MYO5A: variants seen among roughly 807,000 people sequenced by gnomAD.
MYO5A encodes myosin VA, also known as unconventional myosin-Va.
A neutral mutation model predicts 249.7 loss-of-function variants in MYO5A; 98 were observed. That is an observed-to-expected ratio of 0.39 (90% confidence interval 0.33 to 0.46). The LOEUF (loss-of-function observed/expected upper bound fraction) is 0.46. MYO5A is among the 20% of genes least tolerant of loss of function. MYO5A has a pLI of 0.98. For missense variants in MYO5A, 1,696 were observed against 2,308.8 expected (o/e 0.73, Z 5.44); for synonymous variants, 778 against 810.6 (o/e 0.96, Z 0.68).
rs1377023366 is a variant in MYO5A, at chr15:52,379,608, A to G, written c.2208+17T>C. On this transcript the variant is annotated intron_variant, in intron 18 of 41. Transcript: ENST00000399233. Reference sequence around the variant, plus strand: ...AAGGCCTTCTGCTCAGATGACGGTAAGCGAAATCATTCTCACCAGTATCAG... The same window carrying G: ...AAGGCCTTCTGCTCAGATGACGGTAGGCGAAATCATTCTCACCAGTATCAG... The G allele has an allele frequency of 6.2e-7, 1 of 1,608,380 alleles. No homozygotes were observed. The highest frequency in any genetic ancestry group is 1.1e-5 in the South Asian group (1 of 90,984).
intron 1 of MYO5A, among the ~76,000 whole-genome samples, chr15:52,519,293 A>T (rs182160156): frequency 1.3e-5 from 2 of 152,308 alleles, no homozygotes; most frequent in East Asian, 3.9e-4. Context: ...AAGAAAGGTG[A>T]CATAGGGTTC....
chr15:52,416,361 AG>A (rs1399929513), intron 4 of MYO5A, 60 bp from the exon 5 acceptor site: 7 of 1,553,138 alleles, frequency 4.5e-6, no homozygotes, highest in Admixed American at 1.7e-5. Flanking sequence ...AGGATTGATA[AG>A]GGAAACTATG....
chr15:52,317,165 C>T lies in MYO5A; in HGVS notation c.5292G>A (p.Gly1764=). 1 of 1,613,972 alleles carries T rather than the reference C, an allele frequency of 6.2e-7. No individual in the cohort carries two copies. The highest frequency in any genetic ancestry group is 1.3e-5 in the African/African-American group (1 of 74,986). ...TGAGAGGTTCCAGGGTTTCTTTAGC[C>T]CCACTATTCATCAGATTCTTGTCAC... is the stretch of plus-strand genomic sequence containing the variant. ...WLRDKNLMNS[G]AKETLEPLIQ... Residue 1764 remains glycine, a synonymous_variant, in exon 40 of 42, where the codon GGG becomes GGA. Transcript: ENST00000399233.
chr15:52,358,786 G>T (rs568724106), intron 25 of MYO5A, among the ~76,000 whole-genome samples: 5 of 147,438 alleles, frequency 3.4e-5, no homozygotes, highest in East Asian at 3.9e-4. Context: ...ATAAATTACT[G>T]TTTTTTAAAA....
intron 34 of MYO5A, chr15:52,331,597 C>T (rs754286709): frequency 3.2e-5 from 27 of 840,570 alleles, no homozygotes; most frequent in South Asian, 1.1e-4. Flanking sequence ...GCTGACTCCA[C>T]GAGGTGTCAG....
At position 52,312,578 on chromosome 15, in the gene MYO5A, CA is replaced by C. The variant is rs1430475883; in HGVS notation, c.*1117del. The C allele has an allele frequency of 6.6e-6, 1 of 152,144 alleles. No homozygotes were observed. The highest frequency in any genetic ancestry group is 1.5e-5 in the Non-Finnish European group (1 of 68,030). The allele number at this position is 152,144 out of a possible 1,614,324, so 9.4% of individuals were successfully genotyped here. On this transcript the variant is annotated 3_prime_UTR_variant, in exon 42 of 42. Coordinates refer to ENST00000399233, the MANE Select transcript of MYO5A (RefSeq NM_001382347.1). ...TCGCCATGTTGGCCAGGCTGGTCTC[CA>C]ACTCCTAACCTGAAGTGATCCGCCC... is the stretch of plus-strand genomic sequence containing the variant.
At chr15:52,525,388 C>T (rs953834530) in intron 1 of MYO5A, among the ~76,000 whole-genome samples, 2 of 152,280 alleles carry the variant, frequency 1.3e-5, no homozygotes, top group Admixed American at 1.3e-4. Context: ...AGCTATTGTC[C>T]TTAAAATGTT....
chr15:52,336,412 C>T (rs948515922), intron 34 of MYO5A, 51 bp downstream of exon 34: 3 of 1,249,898 alleles, frequency 2.4e-6, no homozygotes, highest in Admixed American at 1.9e-5. Flanking sequence ...GTCTTTAAGC[C>T]AAGACTCAAA....
chr15:52,468,004 G>A lies in MYO5A; in HGVS notation c.28-34719C>T, dbSNP rs577273662. On this transcript the variant is annotated intron_variant, in intron 1 of 41. Coordinates refer to ENST00000399233, the MANE Select transcript of MYO5A (RefSeq NM_001382347.1). ...AAGATAAACAACCTAGTAGCAAATA[G>A]GCAAAAGAAAAAAACAGGTAGCGAA... is the stretch of plus-strand genomic sequence containing the variant. Among the ~76,000 whole-genome samples the A allele has an allele frequency of 4.2e-4, 64 of 152,204 alleles. 1 individual carries two copies. The highest frequency in any genetic ancestry group is 1.4e-3 in the African/African-American group (59 of 41,552).
At chr15:52,477,064 C>T (rs1377829700) in intron 1 of MYO5A, among the ~76,000 whole-genome samples, 1 of 152,148 alleles carries the variant, frequency 6.6e-6, no homozygotes, top group Non-Finnish European at 1.5e-5. Flanking sequence ...TCACATAGTC[C>T]CATATTTCTT....
Position 52,423,474 on chromosome 15 carries a change from C to A in MYO5A, c.455+2356G>T, listed in dbSNP as rs374696416. On this transcript the variant is annotated intron_variant, in intron 4 of 41. Coordinates refer to ENST00000399233, the MANE Select transcript of MYO5A (RefSeq NM_001382347.1). The stretch of plus-strand genomic sequence containing the variant: ...GGCTGAGGCAGGAGAATGGCGTGAA[C>A]CCGGGAGGCGGAGGTTGCAGTGAGC... 3.0e-4 allele frequency among the ~76,000 whole-genome samples: 45 copies of A among 151,890 alleles called. No homozygotes were observed. In the East Asian group the frequency reaches 8.1e-3, roughly 28 times the overall value.
chr15:52,467,651 T>G (rs1212797809), intron 1 of MYO5A, among the ~76,000 whole-genome samples: 1 of 152,080 alleles, frequency 6.6e-6, no homozygotes. Flanking sequence ...GATTTAGACA[T>G]CCAGCTACAG....
chr15:52,514,174 A>G (rs537544409), intron 1 of MYO5A, among the ~76,000 whole-genome samples: 6 of 152,374 alleles, frequency 3.9e-5, no homozygotes, highest in African/African-American at 1.4e-4. Context: ...CATATGTTCA[A>G]TCACTAACTT....
rs2037789012 is a variant in MYO5A, at chr15:52,311,944, T to TTTTTAC, written c.*1751_*1752insGTAAAA. ...ATTGCACATATTTTAATAAGATTTATAGACCATCTAACAGTTAAATTTATA... is the reference window on the plus strand; with the variant it reads ...ATTGCACATATTTTAATAAGATTTATTTTTACAGACCATCTAACAGTTAAATTTATA... On this transcript the variant is annotated 3_prime_UTR_variant, in exon 42 of 42. Transcript: ENST00000399233. 1 of 152,696 alleles carries TTTTTAC rather than the reference T, an allele frequency of 6.5e-6. No individual in the cohort carries two copies. The highest frequency in any genetic ancestry group is 2.1e-4 in the South Asian group (1 of 4,838). The allele number at this position is 152,696 out of a possible 1,614,324, so 9.5% of individuals were successfully genotyped here. A position where few individuals can be genotyped will look rare whatever the true frequency, so the allele number is the denominator to read the frequency against.
At chr15:52,514,059 T>C (rs527612287) in intron 1 of MYO5A, among the ~76,000 whole-genome samples, 2 of 152,286 alleles carry the variant, frequency 1.3e-5, no homozygotes, top group South Asian at 4.1e-4. Context: ...GAGTTACTGA[T>C]AAATAAATAA....
intron 1 of MYO5A, among the ~76,000 whole-genome samples, chr15:52,448,186 A>T (rs1466329172): frequency 6.6e-6 from 1 of 152,252 alleles, no homozygotes; most frequent in African/African-American, 2.4e-5. Context: ...GAGCTGCCCA[A>T]GGCCTTGTGG....
At chr15:52,323,193 C>T (rs904176095) in intron 37 of MYO5A, among the ~76,000 whole-genome samples, 162 bp downstream of exon 37, 1 of 152,234 alleles carries the variant, frequency 6.6e-6, no homozygotes, top group Non-Finnish European at 1.5e-5. Flanking sequence ...CTCCAAATCA[C>T]TGCTTCATAG....
At position 52,416,151 on chromosome 15, in the gene MYO5A, G is replaced by C; in HGVS notation, c.606C>G (p.Ile202Met). ...VEEKVLASNP[I>M]MESIGNAKTT... Reference sequence around the variant, plus strand: ...CGAAGACTCGCTGTCTTACCTCCATGATGGGGTTGGAGGCCAAGACCTTTT... The same window carrying C: ...CGAAGACTCGCTGTCTTACCTCCATCATGGGGTTGGAGGCCAAGACCTTTT... Residue 202 changes from isoleucine (I) to methionine (M), a missense_variant, in exon 5 of 42, where the codon ATC becomes ATG. Ile to Met is a conservative substitution (Grantham distance 10). Transcript: ENST00000399233. 6.2e-7 allele frequency: 1 copy of C among 1,614,006 alleles called. No homozygotes were observed.
chr15:52,417,298 A>T (rs1486808686), intron 4 of MYO5A, among the ~76,000 whole-genome samples: 3 of 152,170 alleles, frequency 2.0e-5, no homozygotes, highest in Non-Finnish European at 4.4e-5. Context: ...TTCAGGAGAT[A>T]CTCTTTGAAG....
Sources: allele counts gnomAD v4.1 joint callset (sites outside exome capture counted in the v4.1 genomes callset), GRCh38; gene constraint gnomAD v4.1.1; transcripts MANE v1.5; gene names NCBI Gene and HGNC (gene_info 2026-07-23, HGNC 2026-07-21).